FAM161A: variants seen among roughly 807,000 people sequenced by gnomAD.
FAM161A encodes the protein FAM161 centrosomal protein A, also known as protein FAM161A.
FAM161A carries 57 observed loss-of-function variants against 70.9 expected under a neutral mutation model. The observed-to-expected ratio is 0.80, with a 90% confidence interval of 0.65 to 1.00. The LOEUF is 1.00. Among genes scored for constraint, FAM161A ranks in the 50% least tolerant of loss-of-function variants. The pLI, the probability that FAM161A is intolerant of heterozygous loss-of-function variation, is 0.00. For missense variants in FAM161A, 880 were observed against 836.0 expected, an observed-to-expected ratio of 1.05 and a Z score of -0.65; for synonymous variants, 299 against 295.7, an observed-to-expected ratio of 1.01 and a Z score of -0.12.
intron 5 of FAM161A, among the ~76,000 whole-genome samples, chr2:61,828,915 C>T (rs1488939095): frequency 6.6e-6 from 1 of 152,108 alleles, no homozygotes; most frequent in Non-Finnish European, 1.5e-5. Flanking sequence ...TCCACTTTAG[C>T]CCATTTTAGC....
intron 1 of FAM161A, among the ~76,000 whole-genome samples, chr2:61,846,518 C>T (rs1349149877): frequency 6.6e-6 from 1 of 152,204 alleles, no homozygotes; most frequent in African/African-American, 2.4e-5. Context: ...GGGCTCCGCA[C>T]TTAGCAATGT....
At chr2:61,800,763 T>C in the FAM161A span, among the ~76,000 whole-genome samples, 1 of 152,226 alleles carries the variant, frequency 6.6e-6, no homozygotes, top group Non-Finnish European at 1.5e-5. Context: ...GTCTGCCACA[T>C]TGGCATAAAA....
intron 2 of FAM161A, 32 bp from the exon 3 acceptor site, chr2:61,840,613 C>T: frequency 1.4e-6 from 2 of 1,417,162 alleles, no homozygotes; most frequent in Non-Finnish European, 2.0e-6. Context: ...GTTATACTTT[C>T]AGTTGTATGT....
At chr2:61,843,015 C>T (rs887871497) in intron 1 of FAM161A, among the ~76,000 whole-genome samples, 7 of 151,998 alleles carry the variant, frequency 4.6e-5, no homozygotes, top group Admixed American at 3.9e-4. Context: ...CATGGGTGAC[C>T]GGGACTTTAG....
chr2:61,828,625 G>A (rs1672464182), intron 5 of FAM161A, among the ~76,000 whole-genome samples: 1 of 152,166 alleles, frequency 6.6e-6, no homozygotes, highest in African/African-American at 2.4e-5. Flanking sequence ...ATGGCACCCA[G>A]CCAATTTCTT....
At chr2:61,841,263 G>A (rs1294950217) in intron 2 of FAM161A, among the ~76,000 whole-genome samples, 1 of 152,130 alleles carries the variant, frequency 6.6e-6, no homozygotes, top group Non-Finnish European at 1.5e-5. Flanking sequence ...CTTCGAGACT[G>A]GCGCCTATCT....
intron 1 of FAM161A, among the ~76,000 whole-genome samples, chr2:61,852,532 A>ATTT (rs1673532395): frequency 6.6e-6 from 1 of 152,118 alleles, no homozygotes; most frequent in Admixed American, 6.6e-5. Flanking sequence ...ATGTCCTAAC[A>ATTT]CCACCTAGGA....
At chr2:61,827,764 CATGTTCAAGA>C (rs1672429457) in intron 5 of FAM161A, among the ~76,000 whole-genome samples, 2 of 152,108 alleles carry the variant, frequency 1.3e-5, no homozygotes, top group Non-Finnish European at 2.9e-5. Flanking sequence ...CAAGGGAGGA[CATGTTCAAGA>C]ATGTTCAGGA....
At chr2:61,819,218 G>C in the FAM161A span, among the ~76,000 whole-genome samples, 2 of 152,310 alleles carry the variant, frequency 1.3e-5, no homozygotes, top group East Asian at 1.9e-4. Flanking sequence ...CACCAATTTG[G>C]GGAGCTGATC....
chr2:61,826,452 G>A lies in FAM161A; in HGVS notation c.*3C>T. 1 of 1,611,038 alleles carries A rather than the reference G, an allele frequency of 6.2e-7. No individual in the cohort carries two copies. Among genetic ancestry groups the A allele is most frequent in the South Asian group, 1.1e-5 (1 of 90,392 alleles). On this transcript the variant is annotated 3_prime_UTR_variant, in exon 7 of 7. Transcript: ENST00000404929. ...AAGGGCATAGAGAGGAGACCTTGAT[G>A]ATTCAGTGTGATTCTTCAACAGATT...
At chr2:61,829,784 C>T (rs971687214) in intron 5 of FAM161A, among the ~76,000 whole-genome samples, 2 of 151,990 alleles carry the variant, frequency 1.3e-5, no homozygotes, top group African/African-American at 4.8e-5. Flanking sequence ...CTGTGATTTC[C>T]AAGAAACAGG....
chr2:61,844,011 C>T (rs1016153801), intron 1 of FAM161A, among the ~76,000 whole-genome samples: 10 of 152,000 alleles, frequency 6.6e-5, no homozygotes, highest in African/African-American at 2.2e-4. Flanking sequence ...GGTGTGCTGG[C>T]GGGCACCTAT....
At chr2:61,830,683 C>CAA (rs10633119) in intron 5 of FAM161A, among the ~76,000 whole-genome samples, 40,086 of 81,824 alleles carry the variant, frequency 0.49, 10,487 homozygotes, top group East Asian at 0.75. Context: ...GACCCTGTCT[C>CAA]AAAAAAAAAA....
intron 1 of FAM161A, among the ~76,000 whole-genome samples, chr2:61,852,643 A>C (rs1284523093): frequency 2.0e-5 from 3 of 152,310 alleles, no homozygotes; most frequent in African/African-American, 7.2e-5. Context: ...TAGCTTCATC[A>C]TGAACAAAAT....
chr2:61,818,766 C>G, the FAM161A span, among the ~76,000 whole-genome samples: 1 of 152,122 alleles, frequency 6.6e-6, no homozygotes, highest in African/African-American at 2.4e-5. Flanking sequence ...ATAACTTATT[C>G]AGGTGAAGAC....
At chr2:61,827,077 G>A (rs367672973) in intron 6 of FAM161A, 27 bp downstream of exon 6, 10 of 1,610,186 alleles carry the variant, frequency 6.2e-6, no homozygotes, top group Non-Finnish European at 6.8e-6. Context: ...TCAAAGGTAA[G>A]CCATTCAGAC....
At position 61,826,431 on chromosome 2, in the gene FAM161A, G is replaced by A. The variant is rs1413934677; in HGVS notation, c.*24C>T. On this transcript the variant is annotated 3_prime_UTR_variant, in exon 7 of 7. Coordinates refer to ENST00000404929, the MANE Select transcript of FAM161A (RefSeq NM_001201543.2). ...CCTGACGCTGCAAACAACAGCAAGG[G>A]CATAGAGAGGAGACCTTGATGATTC... The A allele has an allele frequency of 6.2e-6, 10 of 1,610,800 alleles. No homozygotes were observed. The highest frequency in any genetic ancestry group is 8.5e-6 in the Non-Finnish European group (10 of 1,178,006).
Position 61,826,579 on chromosome 2 carries a change from A to AT in FAM161A, c.2026dup (p.Ile676AsnfsTer14). ...TTCTTCCCCATTCTCTCTTTCTTCT[A>AT]TTTTTTCTTCTTCATTAAAGCTAGG... On this transcript the variant is annotated frameshift_variant, in exon 7 of 7. Transcript: ENST00000404929. LOFTEE classifies it high-confidence loss of function. The AT allele has an allele frequency of 1.9e-6, 3 of 1,601,230 alleles. No homozygotes were observed. The highest frequency in any genetic ancestry group is 1.8e-4 in the Middle Eastern group (1 of 5,612).
intron 1 of FAM161A, among the ~76,000 whole-genome samples, chr2:61,844,518 G>A (rs1304359640): frequency 6.6e-6 from 1 of 151,990 alleles, no homozygotes; most frequent in African/African-American, 2.4e-5. Flanking sequence ...GGCCAACATG[G>A]TGAAACCCCC....
Sources: gnomAD v4.1 joint callset for allele counts (sites outside exome capture counted in the v4.1 genomes callset) on GRCh38, gnomAD v4.1.1 for gene constraint, MANE v1.5 for transcripts, NCBI Gene and HGNC (gene_info 2026-07-23, HGNC 2026-07-21) for gene names.